ADAMTSL2: variants seen among roughly 807,000 people sequenced by gnomAD.
The protein encoded by ADAMTSL2 is ADAMTS like 2.
Under a neutral mutation model 117.0 loss-of-function variants are expected in ADAMTSL2, and 55 were observed. The ratio of observed to expected loss-of-function variants is 0.47; its 90% CI spans 0.38 to 0.59. The LOEUF (loss-of-function observed/expected upper bound fraction) is 0.59, where lower values mean the gene tolerates loss of function less well. Ranked by LOEUF, ADAMTSL2 falls within the 20% of genes least tolerant of loss-of-function variation. The pLI, the probability that ADAMTSL2 is intolerant of heterozygous loss-of-function variation, is 0.00. For synonymous variants in ADAMTSL2, 572 were observed against 566.4 expected (o/e 1.01, Z -0.14); for missense variants, 1,182 against 1,354.5 (o/e 0.87, Z 2.00).
At chr9:133,543,899 C>T (rs1564496654) in intron 7 of ADAMTSL2, among the ~76,000 whole-genome samples, 1 of 152,236 alleles carries the variant, frequency 6.6e-6, no homozygotes, top group African/African-American at 2.4e-5. Context: ...GCCTGGGGGC[C>T]TTGAAGACAG....
intron 17 of ADAMTSL2, 87 bp from the exon 18 acceptor site, chr9:133,573,755 AG>A: frequency 6.5e-7 from 1 of 1,545,994 alleles, no homozygotes. Context: ...GGGGTGGGGA[AG>A]GGGGAGTGTG....
rs1004250770 is a variant in ADAMTSL2 at position 133,573,581 on chromosome 9, G to A, written c.2593-262G>A. The stretch of plus-strand genomic sequence containing the variant: ...GGGACCACCCCTCACTGTGGATCTG[G>A]GGAGACTGAGGCAGCCCTGGGTGGG... On this transcript the variant is annotated intron_variant, in intron 17 of 18. Transcript: ENST00000651351. Among the ~76,000 whole-genome samples the A allele has an allele frequency of 3.3e-5, 5 of 152,192 alleles. No homozygotes were observed. The East Asian group carries it at 7.7e-4, about 23-fold the overall frequency.
intron 12 of ADAMTSL2, among the ~76,000 whole-genome samples, chr9:133,564,962 C>A (rs1032149450): frequency 6.6e-6 from 1 of 152,044 alleles, no homozygotes; most frequent in Non-Finnish European, 1.5e-5. Context: ...GCTTTGGCCG[C>A]GGTGGGGAAG....
chr9:133,567,621 G>A (rs986510750), intron 13 of ADAMTSL2, among the ~76,000 whole-genome samples: 8 of 152,236 alleles, frequency 5.3e-5, no homozygotes, highest in East Asian at 1.9e-4. Flanking sequence ...CCTGCTCCCC[G>A]CACACGGCCA....
At chr9:133,563,408 G>A (rs1830794145) in intron 12 of ADAMTSL2, among the ~76,000 whole-genome samples, 1 of 152,220 alleles carries the variant, frequency 6.6e-6, no homozygotes, top group South Asian at 2.1e-4. Context: ...CCTGGCCAGG[G>A]GACTCCAAGC....
chr9:133,552,319 G>A (rs938852278), intron 9 of ADAMTSL2, among the ~76,000 whole-genome samples: 7 of 150,032 alleles, frequency 4.7e-5, no homozygotes, highest in Middle Eastern at 3.4e-3. Context: ...AGGGGCTGCC[G>A]AATCTTCACA....
chr9:133,547,226 C>T lies in ADAMTSL2; in HGVS notation c.939+13C>T. On this transcript the variant is annotated intron_variant, in intron 9 of 18. Coordinates refer to ENST00000651351, the MANE Select transcript of ADAMTSL2 (RefSeq NM_014694.4). ...CCTGAATGTCATGGTACGTGTGCCG[C>T]AGGCCTTGGGGGCCCCAGGGGCCCT... 6.2e-7 allele frequency: 1 copy of T among 1,609,896 alleles called. No homozygotes were observed.
At chr9:133,547,822 AGGGGTTCTGGGGT>A (rs1348168406) in intron 9 of ADAMTSL2, among the ~76,000 whole-genome samples, 2 of 152,150 alleles carry the variant, frequency 1.3e-5, no homozygotes, top group Admixed American at 1.3e-4. Context: ...CAGGATACTC[AGGGGTTCTGGGGT>A]GGGGCTCAGG....
intron 18 of ADAMTSL2, 126 bp from the exon 19 acceptor site, chr9:133,574,620 G>A: frequency 1.2e-6 from 1 of 807,400 alleles, no homozygotes; most frequent in Non-Finnish European, 2.2e-6. Context: ...GAGAGCTAGA[G>A]ATGGAGACCC....
At chr9:133,568,235 TG>T (rs1243616002) in intron 13 of ADAMTSL2, 37 bp from the exon 14 acceptor site, 4 of 1,539,914 alleles carry the variant, frequency 2.6e-6, no homozygotes, top group Non-Finnish European at 2.6e-6. Context: ...CCGGCTGCCA[TG>T]GGGGGGATCA....
chr9:133,569,432 C>A lies in ADAMTSL2; in HGVS notation c.2269C>A (p.Arg757Ser). 1 of 1,613,512 alleles carries A rather than the reference C, an allele frequency of 6.2e-7. No individual in the cohort carries two copies. Among genetic ancestry groups the A allele is most frequent in the Non-Finnish European group, 8.5e-7 (1 of 1,180,010 alleles). ...GPCSGSCGQG[R>S]TIRHVYCKTS... ...GTGCAGTGGAAGCTGCGGGCAAGGC[C>A]GCACCATCAGGCACGTGTACTGCAA... is the stretch of plus-strand genomic sequence containing the variant. Residue 757 changes from arginine to serine, a missense_variant, in exon 16 of 19, where the codon CGC becomes AGC. Transcript: ENST00000651351.
chr9:133,567,194 A>C, intron 13 of ADAMTSL2, 132 bp downstream of exon 13: 1 of 1,181,616 alleles, frequency 8.5e-7, no homozygotes, highest in Non-Finnish European at 1.2e-6. Flanking sequence ...CTCTTCGAGG[A>C]GGGGCATACA....
intron 17 of ADAMTSL2, among the ~76,000 whole-genome samples, chr9:133,572,204 C>T (rs1831124072): frequency 1.4e-5 from 2 of 139,400 alleles, no homozygotes; most frequent in African/African-American, 5.2e-5. Flanking sequence ...GCCCCAGGGC[C>T]TCTGCCTGCC....
intron 9 of ADAMTSL2, among the ~76,000 whole-genome samples, chr9:133,548,206 A>T (rs565178158): frequency 4.6e-5 from 7 of 152,352 alleles, no homozygotes; most frequent in African/African-American, 1.7e-4. Context: ...GAGTGGCACG[A>T]CTGGGCTTTG....
chr9:133,569,168 C>T (rs1325383988), intron 15 of ADAMTSL2, among the ~76,000 whole-genome samples: 59 of 152,220 alleles, frequency 3.9e-4, no homozygotes, highest in Non-Finnish European at 2.9e-5. Context: ...TAGCTGGGGT[C>T]GCCTCTGGGT....
In ADAMTSL2 at chr9:133,538,370, C is replaced by A; in HGVS notation, c.255C>A (p.Pro85=). The stretch of plus-strand genomic sequence containing the variant: ...CCAGGAGGAAGTCCGTCCCGGGCCC[C>A]GGGAACAGGACCTGCACGGGCACGT... The part of the protein sequence containing the change: ...LQQRRKSVPG[P]GNRTCTGTSK... The change falls in exon 4 of 19, where the codon CCC becomes CCA. Residue 85 remains proline, a synonymous_variant. Transcript: ENST00000651351. The A allele has an allele frequency of 6.2e-7, 1 of 1,613,330 alleles. No homozygotes were observed. The highest frequency in any genetic ancestry group is 8.5e-7 in the Non-Finnish European group (1 of 1,180,032).
At chr9:133,534,040 C>A (rs1829992082), upstream of ADAMTSL2, among the ~76,000 whole-genome samples, 1 of 152,232 alleles carries the variant, frequency 6.6e-6, no homozygotes, top group African/African-American at 2.4e-5. Context: ...AGCTCCAGGC[C>A]TGGCCTGCCA....
intron 9 of ADAMTSL2, among the ~76,000 whole-genome samples, chr9:133,552,238 A>G (rs1351237342): frequency 3.3e-5 from 5 of 152,120 alleles, no homozygotes; most frequent in Non-Finnish European, 7.4e-5. Context: ...GATGCTGTCA[A>G]TTTCTCTTTC....
At position 133,544,495 on chromosome 9, in the gene ADAMTSL2, G is replaced by A. The variant is rs146958778; in HGVS notation, c.708G>A (p.Pro236=). ...GTTACTCTCTGGTGACCCACATCCCGGCTGGTGCCCGAGACATCCAGATTG... is the reference window on the plus strand; with the variant it reads ...GTTACTCTCTGGTGACCCACATCCCAGCTGGTGCCCGAGACATCCAGATTG... The part of the protein sequence containing the change: ...HLGYSLVTHI[P]AGARDIQIVE... Residue 236 remains proline, a synonymous_variant, in exon 8 of 19, where the codon CCG becomes CCA. Transcript: ENST00000651351. 2.0e-5 allele frequency: 32 copies of A among 1,614,026 alleles called. No homozygotes were observed. The highest frequency in any genetic ancestry group is 2.6e-5 in the Non-Finnish European group (31 of 1,180,000).
Sources: gnomAD v4.1 joint callset for allele counts (sites outside exome capture counted in the v4.1 genomes callset) on GRCh38, gnomAD v4.1.1 for gene constraint, MANE v1.5 for transcripts, NCBI Gene and HGNC (gene_info 2026-07-23, HGNC 2026-07-21) for gene names.